The following CD300LG variants were observed in gnomAD, a reference collection of about 807,000 sequenced individuals.
The protein encoded by CD300LG is CMRF35-like molecule 9.
CD300LG carries 29 observed loss-of-function variants against 31.5 expected under a neutral mutation model. The observed-to-expected ratio is 0.92, with a 90% CI of 0.68 to 1.25. The LOEUF is 1.25. Among genes scored for constraint, CD300LG ranks in the 50% most tolerant of loss-of-function variants. The probability of loss-of-function intolerance (pLI) is 0.00; values close to 1 mark genes in which losing one functional copy is unlikely to be tolerated. For synonymous variants in CD300LG, 175 were observed against 177.2 expected, an observed-to-expected ratio of 0.99 and a Z score of 0.10; for missense variants, 396 against 417.6, an observed-to-expected ratio of 0.95 and a Z score of 0.45.
At chr17:43,860,525 T>C (rs1218793783) in intron 6 of CD300LG, among the ~76,000 whole-genome samples, 2 of 152,174 alleles carry the variant, frequency 1.3e-5, no homozygotes, top group Non-Finnish European at 2.9e-5. Context: ...AGGCCTGAGA[T>C]GGACGGGCCT....
rs1470440908 is a variant in CD300LG at position 43,848,751 on chromosome 17, G to A, written c.237G>A (p.Val79=). The A allele has an allele frequency of 3.7e-6, 6 of 1,614,158 alleles. No individual in the cohort carries two copies. Among genetic ancestry groups the A allele is most frequent in the Non-Finnish European group, 3.4e-6 (4 of 1,180,032 alleles). ...EEGQETMKGR[V]SIRDSRQELS... is the part of the protein sequence containing the mutation. ...GCCAGGAGACAATGAAGGGCAGGGT[G>A]TCCATCCGTGACAGCCGCCAGGAGC... Residue 79 remains valine (V), a synonymous_variant, in exon 2 of 7, where the codon GTG becomes GTA. Transcript: ENST00000317310.
chr17:43,847,308 GT>G, intron 1 of CD300LG, 49 bp downstream of exon 1: 1 of 1,595,664 alleles, frequency 6.3e-7, no homozygotes, highest in Non-Finnish European at 8.6e-7. Context: ...CACCCTTGTG[GT>G]CTGCAGGGAA....
chr17:43,855,007 G>A (rs192340878), intron 4 of CD300LG, among the ~76,000 whole-genome samples, 200 bp from the exon 5 acceptor site: 1 of 152,186 alleles, frequency 6.6e-6, no homozygotes, highest in Admixed American at 6.5e-5. Flanking sequence ...CGGGGTCTGC[G>A]CTAATTACAT....
At chr17:43,859,240 C>A (rs2046604856) in intron 6 of CD300LG, among the ~76,000 whole-genome samples, 1 of 152,178 alleles carries the variant, frequency 6.6e-6, no homozygotes, top group African/African-American at 2.4e-5. Context: ...CAGCTGCAGA[C>A]CCTCACTCCT....
In CD300LG at chr17:43,855,285, C is replaced by A; in HGVS notation, c.798C>A (p.Ala266=). The A allele has an allele frequency of 6.2e-7, 1 of 1,602,824 alleles. No homozygotes were observed. ...TTCTGTCAGCCGCAGGCCTGATCGCCTTCTGCAGCCACCTGCTCCTGTGGA... is the reference window on the plus strand; with the variant it reads ...TTCTGTCAGCCGCAGGCCTGATCGCATTCTGCAGCCACCTGCTCCTGTGGA... ...LSLLSAAGLI[A]FCSHLLLWRK... is the part of the protein sequence containing the mutation. Residue 266 remains alanine (A), a synonymous_variant, in exon 5 of 7, where the codon GCC becomes GCA. Coordinates refer to ENST00000317310, the MANE Select transcript of CD300LG (RefSeq NM_145273.4).
At chr17:43,858,937 C>CGTGTCAG (rs1257575599) in intron 6 of CD300LG, among the ~76,000 whole-genome samples, 4 of 152,292 alleles carry the variant, frequency 2.6e-5, no homozygotes, top group African/African-American at 9.6e-5. Flanking sequence ...ACACCTACTA[C>CGTGTCAG]GTGTCAGGGG....
chr17:43,862,021 C>T lies in CD300LG; in HGVS notation c.*110C>T, dbSNP rs1387221276. 3.0e-6 allele frequency: 2 copies of T among 673,268 alleles called. No homozygotes were observed. Among genetic ancestry groups the T allele is most frequent in the Non-Finnish European group, 4.8e-6 (2 of 417,974 alleles). 41.7% of individuals were successfully genotyped at this position (673,268 alleles called of 1,614,324 possible). A position where few individuals can be genotyped will look rare whatever the true frequency, so the allele number is the denominator to read the frequency against. On this transcript the variant is annotated 3_prime_UTR_variant, in exon 7 of 7. Coordinates refer to ENST00000317310, the MANE Select transcript of CD300LG (RefSeq NM_145273.4). ...GCCTCAGAGTCCAGCTGCCCGGACT[C>T]CAGGGCTCTCCCCACCCTCCCCAGG...
In CD300LG at chr17:43,858,116, A is replaced by G. The variant is rs150377704; in HGVS notation, c.885+960A>G. Reference sequence around the variant, plus strand: ...ACAAGGGCAGGAAAGCGGAGCTACCATTGCCTTCTTTCCTGGCGCCAGTGA... The same window carrying G: ...ACAAGGGCAGGAAAGCGGAGCTACCGTTGCCTTCTTTCCTGGCGCCAGTGA... On this transcript the variant is annotated intron_variant, in intron 6 of 6. Transcript: ENST00000317310. 2,893 of 1,344,818 alleles carry G rather than the reference A, an allele frequency of 2.2e-3. 38 individuals carry two copies. The African/African-American group carries it at 0.035, about 16-fold the overall frequency. The allele number at this position is 1,344,818 out of a possible 1,614,324, so 83.3% of individuals were successfully genotyped here. A position where few individuals can be genotyped will look rare whatever the true frequency, so the allele number is the denominator to read the frequency against.
intron 6 of CD300LG, among the ~76,000 whole-genome samples, chr17:43,859,679 C>T (rs2046613777): frequency 6.6e-6 from 1 of 152,122 alleles, no homozygotes; most frequent in Non-Finnish European, 1.5e-5. Flanking sequence ...GGTGTAGCCC[C>T]AGGTCTGCCC....
At position 43,863,603 on chromosome 17, in the gene CD300LG, A is replaced by G. The variant is rs986490317; in HGVS notation, c.*1692A>G. 11 of 152,158 alleles carry G rather than the reference A, an allele frequency of 7.2e-5. No homozygotes were observed. The highest frequency in any genetic ancestry group is 1.6e-4 in the Non-Finnish European group (11 of 67,990). The allele number at this position is 152,158 out of a possible 1,614,324, so 9.4% of individuals were successfully genotyped here. ...TTCTCTGTGTTTTACAGACCTTTTTATAAATAAAATGTTCATCAGCTGCAT... is the reference window on the plus strand; with the variant it reads ...TTCTCTGTGTTTTACAGACCTTTTTGTAAATAAAATGTTCATCAGCTGCAT... On this transcript the variant is annotated 3_prime_UTR_variant, in exon 7 of 7. Transcript: ENST00000317310.
intron 6 of CD300LG, among the ~76,000 whole-genome samples, chr17:43,859,276 G>A (rs2046605573): frequency 6.6e-6 from 1 of 152,190 alleles, no homozygotes; most frequent in Admixed American, 6.5e-5. Flanking sequence ...GCTAAGCTCC[G>A]ATCAGAACTC....
chr17:43,860,893 T>A (rs2046639019), intron 6 of CD300LG, among the ~76,000 whole-genome samples: 1 of 152,208 alleles, frequency 6.6e-6, no homozygotes, highest in Non-Finnish European at 1.5e-5. Flanking sequence ...GACAAATTCT[T>A]ACCTAGTTTT....
At chr17:43,851,504 G>A (rs1233401370) in intron 2 of CD300LG, among the ~76,000 whole-genome samples, 1 of 152,172 alleles carries the variant, frequency 6.6e-6, no homozygotes, top group Non-Finnish European at 1.5e-5. Flanking sequence ...GAGAAAGAGG[G>A]AGAGTCCAGG....
At chr17:43,857,974 C>T (rs947459930) in intron 6 of CD300LG, 104 of 1,512,464 alleles carry the variant, frequency 6.9e-5, no homozygotes, top group Middle Eastern at 2.3e-4. Context: ...CTGTGCCCTC[C>T]GAGGCCAGCA....
intron 6 of CD300LG, chr17:43,861,206 C>T (rs2046646841): frequency 2.0e-6 from 2 of 985,234 alleles, no homozygotes; most frequent in African/African-American, 1.7e-5. Flanking sequence ...TCTCACCATC[C>T]CCGAGCCCTC....
chr17:43,857,334 G>A (rs1287170901), intron 6 of CD300LG, 178 bp downstream of exon 6: 44 of 1,494,760 alleles, frequency 2.9e-5, no homozygotes, highest in Non-Finnish European at 3.5e-5. Flanking sequence ...TTCAGGGTGT[G>A]AGCCGGACAC....
At chr17:43,848,953 G>A (rs1385866404) in intron 2 of CD300LG, 60 bp downstream of exon 2, 1 of 1,443,592 alleles carries the variant, frequency 6.9e-7, no homozygotes, top group South Asian at 1.2e-5. Flanking sequence ...AAGAGGGAGG[G>A]GTGGTGGGGC....
intron 6 of CD300LG, among the ~76,000 whole-genome samples, chr17:43,860,551 A>G (rs2046630994): frequency 6.6e-6 from 1 of 152,174 alleles, no homozygotes; most frequent in Admixed American, 6.5e-5. Context: ...TCCTGATCTG[A>G]GGACCCATGG....
chr17:43,847,930 C>CA (rs566639418), intron 1 of CD300LG, among the ~76,000 whole-genome samples: 181 of 152,244 alleles, frequency 1.2e-3, no homozygotes, highest in African/African-American at 3.7e-3. Context: ...GCCTGGGCAA[C>CA]AGAGTGAGAT....
Sources: gnomAD v4.1 joint callset for allele counts (sites outside exome capture counted in the v4.1 genomes callset) on GRCh38, gnomAD v4.1.1 for gene constraint, MANE v1.5 for transcripts, NCBI Gene and HGNC (gene_info 2026-07-23, HGNC 2026-07-21) for gene names.